The following RBFOX1 variants were observed in gnomAD, a reference collection of about 807,000 sequenced individuals.
RBFOX1 encodes the protein RNA binding fox-1 homolog 1.
A neutral mutation model predicts 57.7 loss-of-function variants in RBFOX1; 8 were observed. The ratio of observed to expected loss-of-function variants is 0.14; its 90% CI spans 0.08 to 0.25. RBFOX1 has a LOEUF of 0.25. Ranked by LOEUF, RBFOX1 falls within the 10% of genes least tolerant of loss-of-function variation. The pLI is 1.00. For missense variants in RBFOX1, 611 were observed against 548.5 expected, an observed-to-expected ratio of 1.11 and a Z score of -1.14; for synonymous variants, 326 against 222.4, an observed-to-expected ratio of 1.47 and a Z score of -4.15.
At chr16:7,413,747 A>G (rs1478842037) in intron 4 of RBFOX1, among the ~76,000 whole-genome samples, 1 of 152,066 alleles carries the variant, frequency 6.6e-6, no homozygotes, top group East Asian at 1.9e-4. Context: ...TTGGTTTAAG[A>G]GCTCAGTTTA....
At chr16:5,570,678 A>G (rs1436036083) in intron 2 of RBFOX1, among the ~76,000 whole-genome samples, 1 of 152,072 alleles carries the variant, frequency 6.6e-6, no homozygotes, top group African/African-American at 2.4e-5. Flanking sequence ...CGTCTCTACT[A>G]AAAGTACAAA....
At chr16:7,029,885 T>C (rs966630979) in intron 3 of RBFOX1, among the ~76,000 whole-genome samples, 5 of 152,176 alleles carry the variant, frequency 3.3e-5, no homozygotes, top group Admixed American at 1.3e-4. Flanking sequence ...TTGGGAATAA[T>C]GAAGACCCAG....
intron 2 of RBFOX1, among the ~76,000 whole-genome samples, chr16:6,420,706 C>T (rs1419146912): frequency 6.6e-6 from 1 of 152,166 alleles, no homozygotes; most frequent in East Asian, 1.9e-4. Context: ...ATTATTTCAT[C>T]ACCATTCACT....
chr16:7,146,069 C>G (rs546303768), intron 4 of RBFOX1, among the ~76,000 whole-genome samples: 4 of 152,178 alleles, frequency 2.6e-5, no homozygotes, highest in Non-Finnish European at 5.9e-5. Context: ...TTTGACTGTT[C>G]CAAATGGGGG....
chr16:6,924,566 A>T (rs1464054273), intron 3 of RBFOX1, among the ~76,000 whole-genome samples: 2 of 152,128 alleles, frequency 1.3e-5, no homozygotes, highest in Non-Finnish European at 2.9e-5. Context: ...GAGAGGACAC[A>T]TATCCAAACT....
intron 4 of RBFOX1, among the ~76,000 whole-genome samples, chr16:7,442,029 A>G (rs1189895791): frequency 6.6e-6 from 1 of 152,124 alleles, no homozygotes; most frequent in East Asian, 1.9e-4. Flanking sequence ...CCCCTAGTTC[A>G]TGGGGAGAAT....
intron 1 of RBFOX1, among the ~76,000 whole-genome samples, chr16:6,234,459 T>G (rs1482167626): frequency 1.3e-5 from 2 of 152,192 alleles, no homozygotes; most frequent in Admixed American, 1.3e-4. Context: ...CCACTTAGCA[T>G]GGTGATGTCT....
chr16:5,554,744 C>G (rs2045605333), intron 2 of RBFOX1, among the ~76,000 whole-genome samples: 1 of 152,144 alleles, frequency 6.6e-6, no homozygotes, highest in Non-Finnish European at 1.5e-5. Context: ...ATGAATTGAT[C>G]AACAAAGAGA....
intron 4 of RBFOX1, among the ~76,000 whole-genome samples, chr16:7,332,561 A>G (rs2096712008): frequency 6.6e-6 from 1 of 152,120 alleles, no homozygotes; most frequent in African/African-American, 2.4e-5. Flanking sequence ...ATTTTTCCCT[A>G]AAAATCCCAT....
intron 4 of RBFOX1, among the ~76,000 whole-genome samples, chr16:5,938,562 G>T (rs138658298): frequency 6.6e-6 from 1 of 152,198 alleles, no homozygotes; most frequent in African/African-American, 2.4e-5. Context: ...TCACTAAGGT[G>T]TGGGGTCTGC....
intron 4 of RBFOX1, among the ~76,000 whole-genome samples, chr16:7,486,975 C>G (rs1015620323): frequency 1.3e-5 from 2 of 152,226 alleles, no homozygotes; most frequent in African/African-American, 4.8e-5. Context: ...TCTCGGCTCA[C>G]TGCAACCTCT....
At position 5,530,548 on chromosome 16, in the gene RBFOX1, G is replaced by A. The variant is rs190359863; in HGVS notation, c.258+63294G>A. 9.9e-5 allele frequency among the ~76,000 whole-genome samples: 15 copies of A among 152,248 alleles called. No individual in the cohort carries two copies. In the East Asian group the frequency reaches 2.1e-3, roughly 22 times the overall value. Reference sequence around the variant, plus strand: ...AGTAGGTGTTACTCTCTGCGGCAGCGTTTCTTAACATCTACACTGTGGACA... The same window carrying A: ...AGTAGGTGTTACTCTCTGCGGCAGCATTTCTTAACATCTACACTGTGGACA... On this transcript the variant is annotated intron_variant, in intron 2 of 2. Transcript: ENST00000585867.
chr16:5,339,274 C>T (rs1312630135), intron 1 of RBFOX1, among the ~76,000 whole-genome samples: 1 of 151,946 alleles, frequency 6.6e-6, no homozygotes, highest in South Asian at 2.1e-4. Context: ...GTCTGTCTGC[C>T]CCCGCTGCCG....
At chr16:6,616,312 A>G (rs1001026982) in intron 2 of RBFOX1, among the ~76,000 whole-genome samples, 1 of 152,072 alleles carries the variant, frequency 6.6e-6, no homozygotes, top group African/African-American at 2.4e-5. Context: ...ATTACATGCT[A>G]TAATCTGTAG....
At chr16:6,682,275 GCCT>G (rs1279181099) in intron 3 of RBFOX1, among the ~76,000 whole-genome samples, 1 of 152,154 alleles carries the variant, frequency 6.6e-6, no homozygotes, top group Non-Finnish European at 1.5e-5. Context: ...ACACAGCCCT[GCCT>G]CCTCTGGAGG....
intron 4 of RBFOX1, among the ~76,000 whole-genome samples, chr16:5,957,830 T>A (rs2152284765): frequency 6.6e-6 from 1 of 152,230 alleles, no homozygotes; most frequent in East Asian, 1.9e-4. Context: ...CCACTTATAC[T>A]CTTTTAGTTA....
rs147696231 is a variant in RBFOX1, at chr16:5,449,850, G to A, written c.220-17366G>A. On this transcript the variant is annotated intron_variant, in intron 1 of 2. Coordinates refer to the RBFOX1 transcript ENST00000585867. ...CTCAAACTCCCGGATTCAAGTGATC[G>A]TCCCACCTCAGCCTCCCAAAGGTCT... is the stretch of plus-strand genomic sequence containing the variant. Among the ~76,000 whole-genome samples, 36 of 151,934 alleles carry A rather than the reference G, an allele frequency of 2.4e-4. 1 individual carries two copies. Among genetic ancestry groups the A allele is most frequent in the African/African-American group, 6.5e-4 (27 of 41,436 alleles).
intron 4 of RBFOX1, among the ~76,000 whole-genome samples, chr16:7,095,148 G>C (rs1484663381): frequency 1.3e-5 from 2 of 152,000 alleles, no homozygotes; most frequent in East Asian, 3.9e-4. Context: ...GACCCACTCT[G>C]TTGCCCAGGC....
chr16:6,261,629 C>G (rs1261683959), intron 1 of RBFOX1, among the ~76,000 whole-genome samples: 2 of 142,514 alleles, frequency 1.4e-5, no homozygotes, highest in African/African-American at 4.9e-5. Context: ...ATGGTGTTTT[C>G]TTTGCCCATT....
Sources: allele counts gnomAD v4.1 joint callset (sites outside exome capture counted in the v4.1 genomes callset), GRCh38; gene constraint gnomAD v4.1.1; transcripts MANE v1.5; gene names NCBI Gene and HGNC (gene_info 2026-07-23, HGNC 2026-07-21).